The following ZDHHC11 variants were observed in gnomAD, a reference collection of about 807,000 sequenced individuals.
ZDHHC11 encodes zDHHC palmitoyltransferase 11.
In ZDHHC11, 44 loss-of-function variants were observed where a neutral mutation model predicts 51.3. The ratio of observed to expected loss-of-function variants is 0.86; its 90% CI spans 0.67 to 1.10. The LOEUF (loss-of-function observed/expected upper bound fraction) is 1.10, where lower values mean the gene tolerates loss of function less well. ZDHHC11 is among the 50% of genes least tolerant of loss of function. The pLI is 0.00. For missense variants in ZDHHC11, 400 were observed against 537.7 expected (o/e 0.74, Z 2.53); for synonymous variants, 163 against 222.0 (o/e 0.73, Z 2.36).
chr5:814,863 A>G, intron 10 of ZDHHC11, 68 bp from the exon 11 acceptor site: 1 of 1,421,510 alleles, frequency 7.0e-7, no homozygotes, highest in Non-Finnish European at 9.4e-7. Context: ...ACTTATTCTT[A>G]AAATTCAAGT....
chr5:807,609 C>T (rs1329104929), intron 11 of ZDHHC11, among the ~76,000 whole-genome samples: 3 of 151,994 alleles, frequency 2.0e-5, no homozygotes, highest in Admixed American at 1.3e-4. Flanking sequence ...GAGGCAACCA[C>T]CATTCACTGG....
intron 9 of ZDHHC11, 21 bp from the exon 10 acceptor site, chr5:819,633 A>G (rs771438273): frequency 6.2e-7 from 1 of 1,605,542 alleles, no homozygotes; most frequent in Non-Finnish European, 8.5e-7. Context: ...AAACAGAAGG[A>G]AAGAAACACA....
chr5:819,496 C>T (rs371697410), intron 10 of ZDHHC11, 29 bp downstream of exon 10: 4 of 1,601,628 alleles, frequency 2.5e-6, no homozygotes, highest in East Asian at 2.2e-5. Context: ...GCCCTGTCCT[C>T]GGGGACAGCG....
chr5:825,662 C>T (rs1742259293), intron 7 of ZDHHC11, among the ~76,000 whole-genome samples: 1 of 150,340 alleles, frequency 6.7e-6, no homozygotes, highest in Admixed American at 6.7e-5. Flanking sequence ...ACCACAGCAG[C>T]ATACCAGAAA....
chr5:845,673 T>A, intron 3 of ZDHHC11, among the ~76,000 whole-genome samples: 1 of 152,036 alleles, frequency 6.6e-6, no homozygotes, highest in African/African-American at 2.4e-5. Context: ...TCGGCCTCCC[T>A]CGCGGGGGCT....
At chr5:802,786 A>C (rs1738623162) in intron 11 of ZDHHC11, among the ~76,000 whole-genome samples, 1 of 132,364 alleles carries the variant, frequency 7.6e-6, no homozygotes, top group Admixed American at 8.3e-5. Flanking sequence ...ATCCTGGCTA[A>C]CATGGTGAAA....
upstream of ZDHHC11, among the ~76,000 whole-genome samples, chr5:859,104 G>C (rs913714014): frequency 1.3e-5 from 2 of 152,062 alleles, no homozygotes; most frequent in Admixed American, 6.6e-5. Flanking sequence ...ATGGACTCGG[G>C]TGGAGGTGAA....
chr5:803,094 C>T (rs1738725870), intron 11 of ZDHHC11, among the ~76,000 whole-genome samples: 4 of 151,080 alleles, frequency 2.6e-5, no homozygotes, highest in South Asian at 4.2e-4. Flanking sequence ...GCTACCGCCT[C>T]GATTTCTTAG....
rs2150329071 is a variant in ZDHHC11 at position 818,950 on chromosome 5, C to T, written c.1146+575G>A. Among the ~76,000 whole-genome samples, 2 of 151,638 alleles carry T rather than the reference C, an allele frequency of 1.3e-5. 1 individual carries two copies. The highest frequency in any genetic ancestry group is 4.8e-5 in the African/African-American group (2 of 41,408). On this transcript the variant is annotated intron_variant, in intron 10 of 12. Transcript: ENST00000283441. The stretch of plus-strand genomic sequence containing the variant: ...TGTGGCCCTAAAGCCGGTAGCCACA[C>T]AGGGCTTTTCCCGTGAAGGACGGAC...
In ZDHHC11 at chr5:822,004, G is replaced by A. The variant is rs146245637; in HGVS notation, c.1024-109C>T. On this transcript the variant is annotated intron_variant, in intron 8 of 12. Coordinates refer to ENST00000283441, the MANE Select transcript of ZDHHC11 (RefSeq NM_024786.3). ...TTCTGACAGTCACTTCTGAGTAATG[G>A]TACATCAAGGTTGCCTGGATCATGG... 2.2e-3 allele frequency: 2,106 copies of A among 941,252 alleles called. 69 individuals are homozygous for A. In the African/African-American group the frequency reaches 0.028, roughly 12 times the overall value. The allele number at this position is 941,252 out of a possible 1,614,324, so 58.3% of individuals were successfully genotyped here. A position where few individuals can be genotyped will look rare whatever the true frequency, so the allele number is the denominator to read the frequency against.
chr5:828,087 A>G (rs1425275322), intron 7 of ZDHHC11, among the ~76,000 whole-genome samples: 1 of 151,482 alleles, frequency 6.6e-6, no homozygotes, highest in Non-Finnish European at 1.5e-5. Flanking sequence ...ATCCCAAGGC[A>G]GAATTTTTCT....
chr5:808,854 C>T (rs1474694457), intron 11 of ZDHHC11, among the ~76,000 whole-genome samples: 34 of 146,970 alleles, frequency 2.3e-4, no homozygotes, highest in African/African-American at 7.4e-4. Flanking sequence ...CCTGCCACTA[C>T]GCCTGGCTAA....
intron 1 of ZDHHC11, among the ~76,000 whole-genome samples, chr5:858,140 T>C (rs1174978197): frequency 8.3e-6 from 1 of 120,842 alleles, no homozygotes; most frequent in Non-Finnish European, 1.7e-5. Flanking sequence ...GACACCGTGG[T>C]CCCCCGGGTC....
rs1340044259 is a variant in ZDHHC11 at position 816,562 on chromosome 5, C to T, written c.1147-1767G>A. ...AGATACTTCTGGAAAAATACAAATA[C>T]GTGGAGAATTTTTGTCTAATTGACG... is the stretch of plus-strand genomic sequence containing the variant. On this transcript the variant is annotated intron_variant, in intron 10 of 12. Coordinates refer to ENST00000283441, the MANE Select transcript of ZDHHC11 (RefSeq NM_024786.3). The T allele has an allele frequency of 5.0e-5, 30 of 595,716 alleles. 1 individual carries two copies. Among genetic ancestry groups the T allele is most frequent in the Non-Finnish European group, 8.5e-5 (26 of 305,288 alleles). The allele number at this position is 595,716 out of a possible 1,614,324, so 36.9% of individuals were successfully genotyped here.
At chr5:859,884 C>A (rs536037394), upstream of ZDHHC11, among the ~76,000 whole-genome samples, 1 of 152,330 alleles carries the variant, frequency 6.6e-6, no homozygotes, top group African/African-American at 2.4e-5. Flanking sequence ...CTGAATGCCT[C>A]CGATGCGGGC....
chr5:802,857 A>C (rs1363810934), intron 11 of ZDHHC11, among the ~76,000 whole-genome samples: 22 of 124,616 alleles, frequency 1.8e-4, no homozygotes, highest in African/African-American at 6.4e-4. Context: ...AAAAAAAAAA[A>C]AAAAAAAAAA....
At chr5:857,361 A>G (rs1326325743) in intron 1 of ZDHHC11, among the ~76,000 whole-genome samples, 1 of 152,122 alleles carries the variant, frequency 6.6e-6, no homozygotes, top group Non-Finnish European at 1.5e-5. Flanking sequence ...ACCACCACAC[A>G]TGAGAACCAG....
chr5:797,066 G>C (rs1737688684), intron 12 of ZDHHC11, among the ~76,000 whole-genome samples: 1 of 151,174 alleles, frequency 6.6e-6, no homozygotes, highest in Non-Finnish European at 1.5e-5. Context: ...AATTAGCTGG[G>C]TGTGGTGGTG....
intron 6 of ZDHHC11, among the ~76,000 whole-genome samples, chr5:836,197 G>C (rs1315572830): frequency 2.0e-5 from 3 of 150,078 alleles, no homozygotes; most frequent in Non-Finnish European, 4.5e-5. Flanking sequence ...ATCATTCCTA[G>C]GTCACTGAGA....
Sources: gnomAD v4.1 joint callset for allele counts (sites outside exome capture counted in the v4.1 genomes callset) on GRCh38, gnomAD v4.1.1 for gene constraint, MANE v1.5 for transcripts, NCBI Gene and HGNC (gene_info 2026-07-23, HGNC 2026-07-21) for gene names.